The following CFAP57 variants were observed in gnomAD, a reference collection of about 807,000 sequenced individuals.
CFAP57 encodes the protein cilia and flagella associated protein 57.
Under a neutral mutation model 146.8 loss-of-function variants are expected in CFAP57, and 116 were observed. The observed-to-expected ratio is 0.79, with a 90% CI of 0.68 to 0.92. The LOEUF (loss-of-function observed/expected upper bound fraction) is 0.92. Ranked by LOEUF, CFAP57 falls within the 40% of genes least tolerant of loss-of-function variation. The pLI, the probability that CFAP57 is intolerant of heterozygous loss-of-function variation, is 0.00. For synonymous variants in CFAP57, 518 were observed against 552.8 expected (o/e 0.94, Z 0.88); for missense variants, 1,377 against 1,527.2 (o/e 0.90, Z 1.64).
At chr1:43,230,506 G>C (rs1645424736) in intron 18 of CFAP57, among the ~76,000 whole-genome samples, 1 of 152,108 alleles carries the variant, frequency 6.6e-6, no homozygotes, top group Non-Finnish European at 1.5e-5. Context: ...CTTGGATCCT[G>C]CATGACCTAG....
chr1:43,226,738 G>C (rs370107868), intron 17 of CFAP57, among the ~76,000 whole-genome samples: 2 of 152,192 alleles, frequency 1.3e-5, no homozygotes, highest in African/African-American at 4.8e-5. Flanking sequence ...GGAAAATACC[G>C]CTGTTCACAA....
intron 4 of CFAP57, chr1:43,184,901 C>T (rs985470674): frequency 2.1e-6 from 1 of 475,720 alleles, no homozygotes; most frequent in Non-Finnish European, 3.9e-6. Flanking sequence ...AGCATACCTG[C>T]GACTGTTTTC....
intron 19 of CFAP57, among the ~76,000 whole-genome samples, chr1:43,233,599 C>T (rs1354290079): frequency 6.6e-6 from 1 of 152,144 alleles, no homozygotes; most frequent in Non-Finnish European, 1.5e-5. Flanking sequence ...GATACAGATC[C>T]TGCCATTTCC....
chr1:43,219,130 A>G (rs575757655), intron 12 of CFAP57, among the ~76,000 whole-genome samples: 13 of 152,218 alleles, frequency 8.5e-5, no homozygotes, highest in Non-Finnish European at 1.9e-4. Flanking sequence ...GAGATGCTTA[A>G]GCCGACTTGA....
At chr1:43,235,481 T>C (rs990251571) in intron 21 of CFAP57, among the ~76,000 whole-genome samples, 2 of 152,204 alleles carry the variant, frequency 1.3e-5, no homozygotes, top group South Asian at 4.1e-4. Flanking sequence ...TGGGAACAGG[T>C]TGCAGTTAGA....
chr1:43,186,964 C>T (rs1643169669), intron 6 of CFAP57, 105 bp downstream of exon 6: 10 of 1,358,510 alleles, frequency 7.4e-6, no homozygotes, highest in Admixed American at 1.9e-5. Context: ...AGCATAAACT[C>T]ATGCATCCCC....
chr1:43,217,106 G>A (rs1013049127), intron 12 of CFAP57, among the ~76,000 whole-genome samples: 1 of 152,214 alleles, frequency 6.6e-6, no homozygotes, highest in Non-Finnish European at 1.5e-5. Context: ...TGAGCAGTGA[G>A]TGTGTGCAGA....
intron 6 of CFAP57, among the ~76,000 whole-genome samples, chr1:43,193,532 C>G (rs1175643072): frequency 6.6e-6 from 1 of 151,918 alleles, no homozygotes; most frequent in Non-Finnish European, 1.5e-5. Flanking sequence ...TTAGGGCTTA[C>G]CATACACACT....
At chr1:43,198,706 T>C in intron 8 of CFAP57, 60 bp downstream of exon 8, 1 of 1,589,830 alleles carries the variant, frequency 6.3e-7, no homozygotes. Flanking sequence ...GGCTGAAATA[T>C]CAGGAACTAA....
chr1:43,230,173 C>T (rs903215038), intron 18 of CFAP57, among the ~76,000 whole-genome samples: 2 of 152,234 alleles, frequency 1.3e-5, no homozygotes, highest in African/African-American at 4.8e-5. Context: ...TATGCCCTCT[C>T]TGCTAACCTC....
Position 43,201,851 on chromosome 1 carries a change from G to T in CFAP57, c.1542+2348G>T, listed in dbSNP as rs1482045348. Among the ~76,000 whole-genome samples the T allele has an allele frequency of 2.0e-5, 3 of 152,204 alleles. No individual in the cohort carries two copies. The highest frequency in any genetic ancestry group is 7.2e-5 in the African/African-American group (3 of 41,442). Reference sequence around the variant, plus strand: ...GCTGGTCTTGAACTACTGACCTCAGGTGATCCACCCACCTCGGCCTCCCAA... The same window carrying T: ...GCTGGTCTTGAACTACTGACCTCAGTTGATCCACCCACCTCGGCCTCCCAA... On this transcript the variant is annotated intron_variant, in intron 9 of 22. Coordinates refer to ENST00000372492, the MANE Select transcript of CFAP57 (RefSeq NM_001378189.1). The surrounding 1 kb of genome is among the most constrained non-coding windows in gnomAD (Gnocchi z 4.4).
At chr1:43,179,932 C>T (rs917429736) in intron 2 of CFAP57, among the ~76,000 whole-genome samples, 4 of 151,988 alleles carry the variant, frequency 2.6e-5, no homozygotes, top group Admixed American at 2.6e-4. Context: ...ATAGGCCAGG[C>T]GTGGTGGCTC....
intron 21 of CFAP57, among the ~76,000 whole-genome samples, chr1:43,235,259 C>G (rs756033901): frequency 3.9e-4 from 60 of 152,142 alleles, no homozygotes; most frequent in Non-Finnish European, 7.9e-4. Flanking sequence ...ATAGGCTGTT[C>G]AGAGAGCCTG....
At chr1:43,226,889 G>A in intron 17 of CFAP57, 94 bp from the exon 18 acceptor site, 3 of 1,364,190 alleles carry the variant, frequency 2.2e-6, no homozygotes, top group Non-Finnish European at 1.9e-6. Flanking sequence ...TCTTCAACCA[G>A]GAGAGTCACA....
intron 12 of CFAP57, among the ~76,000 whole-genome samples, chr1:43,218,437 CA>C (rs1292015905): frequency 2.0e-5 from 3 of 151,636 alleles, no homozygotes; most frequent in Admixed American, 2.0e-4. Flanking sequence ...CCCATCTCTA[CA>C]AAAAATATAA....
At chr1:43,182,950 A>G (rs1006586411) in intron 3 of CFAP57, among the ~76,000 whole-genome samples, 1 of 152,252 alleles carries the variant, frequency 6.6e-6, no homozygotes, top group Non-Finnish European at 1.5e-5. Context: ...TGCACTCAGG[A>G]GAAAGAGACC....
chr1:43,234,624 G>A lies in CFAP57; in HGVS notation c.3391G>A (p.Val1131Ile), dbSNP rs576663347. The A allele has an allele frequency of 2.7e-5, 42 of 1,549,854 alleles. No homozygotes were observed. Among genetic ancestry groups the A allele is most frequent in the Admixed American group, 1.2e-4 (6 of 50,962 alleles). Reference sequence around the variant, plus strand: ...GGGCGAGCTGCACCGCACAGACTACGTCCGCATCATGCAGGTACCTGCATG... The same window carrying A: ...GGGCGAGCTGCACCGCACAGACTACATCCGCATCATGCAGGTACCTGCATG... ...KEGELHRTDY[V>I]RIMQENVSLI... The change falls in exon 21 of 23, where the codon GTC becomes ATC. Residue 1131 changes from valine (V) to isoleucine (I), a missense_variant. Transcript: ENST00000372492.
chr1:43,204,020 T>C (rs1644247807), intron 9 of CFAP57, among the ~76,000 whole-genome samples: 1 of 152,212 alleles, frequency 6.6e-6, no homozygotes, highest in Non-Finnish European at 1.5e-5. Flanking sequence ...TCTGTTAATG[T>C]TAATTTTTCT....
intron 6 of CFAP57, among the ~76,000 whole-genome samples, chr1:43,195,650 A>G (rs1165661411): frequency 6.6e-6 from 1 of 152,262 alleles, no homozygotes; most frequent in African/African-American, 2.4e-5. Context: ...CTAGATGCAC[A>G]CTGTAGAATA....
Sources: gnomAD v4.1 joint callset for allele counts (sites outside exome capture counted in the v4.1 genomes callset) on GRCh38, gnomAD v4.1.1 for gene constraint, Gnocchi (gnomAD v3.1) non-coding constraint, MANE v1.5 for transcripts, NCBI Gene and HGNC (gene_info 2026-07-23, HGNC 2026-07-21) for gene names.